Variants in VWC2 observed in about 807,000 individuals in gnomAD.
VWC2 encodes the protein brorin.
A neutral mutation model predicts 29.8 loss-of-function variants in VWC2; 14 were observed. That is an observed-to-expected ratio of 0.47 (90% CI 0.31 to 0.74). The LOEUF is 0.74. VWC2 is among the 30% of genes least tolerant of loss of function. VWC2 has a pLI of 0.05. For synonymous variants in VWC2, 213 were observed against 199.0 expected, an observed-to-expected ratio of 1.07 and a Z score of -0.59; for missense variants, 457 against 459.8, an observed-to-expected ratio of 0.99 and a Z score of 0.05.
At chr7:49,860,336 A>T (rs944915444) in intron 3 of VWC2, among the ~76,000 whole-genome samples, 5 of 152,200 alleles carry the variant, frequency 3.3e-5, no homozygotes, top group Non-Finnish European at 5.9e-5. Flanking sequence ...ATTTCACATG[A>T]GTAGACTCAT....
rs1356929332 is a variant in VWC2, at chr7:49,920,248, T to A, written c.*8063T>A. ...CTCAAACATTTTAATACACGATGAA[T>A]CCTTTTCTTAAGGAAAAAATGAAAA... On this transcript the variant is annotated 3_prime_UTR_variant, in exon 4 of 4. Coordinates refer to ENST00000340652, the MANE Select transcript of VWC2 (RefSeq NM_198570.5). 1 of 151,552 alleles carries A rather than the reference T, an allele frequency of 6.6e-6. No homozygotes were observed. Among genetic ancestry groups the A allele is most frequent in the Non-Finnish European group, 1.5e-5 (1 of 67,670 alleles). The allele number at this position is 151,552 out of a possible 1,614,324, so 9.4% of individuals were successfully genotyped here. A position where few individuals can be genotyped will look rare whatever the true frequency, so the allele number is the denominator to read the frequency against.
chr7:49,920,702 TTG>T lies in VWC2; in HGVS notation c.*8521_*8522del, dbSNP rs1241707626. 5 of 141,304 alleles carry T rather than the reference TTG, an allele frequency of 3.5e-5. No individual in the cohort carries two copies. Among genetic ancestry groups the T allele is most frequent in the African/African-American group, 1.1e-4 (4 of 37,272 alleles). The allele number at this position is 141,304 out of a possible 1,614,324, so 8.8% of individuals were successfully genotyped here. ...ATGAATAAAACACATATGTATTTAA[TTG>T]TGTTATTTACTATTTATAATTTGAA... On this transcript the variant is annotated 3_prime_UTR_variant, in exon 4 of 4. Transcript: ENST00000340652.
chr7:49,857,056 T>A (rs1161519352), intron 3 of VWC2, among the ~76,000 whole-genome samples: 3 of 140,238 alleles, frequency 2.1e-5, no homozygotes, highest in Non-Finnish European at 3.1e-5. Flanking sequence ...TAACATGATA[T>A]CTACCTTCTT....
intron 3 of VWC2, among the ~76,000 whole-genome samples, chr7:49,905,023 C>T (rs1257197923): frequency 8.5e-5 from 13 of 152,072 alleles, no homozygotes; most frequent in Admixed American, 6.5e-4. Context: ...TGTGAGCCAT[C>T]GTGCCAGGCC....
chr7:49,881,465 A>ACC (rs1791661241), intron 3 of VWC2, among the ~76,000 whole-genome samples: 2 of 152,158 alleles, frequency 1.3e-5, no homozygotes, highest in South Asian at 4.1e-4. Flanking sequence ...GCCTAACCCT[A>ACC]CCTCACCTCT....
intron 2 of VWC2, among the ~76,000 whole-genome samples, chr7:49,789,667 G>C (rs1404860167): frequency 6.6e-6 from 1 of 152,100 alleles, no homozygotes; most frequent in Non-Finnish European, 1.5e-5. Flanking sequence ...TAAAACAAAA[G>C]GGTTTTGATC....
intron 2 of VWC2, among the ~76,000 whole-genome samples, chr7:49,794,747 C>T (rs964178266): frequency 6.6e-6 from 1 of 152,168 alleles, no homozygotes; most frequent in African/African-American, 2.4e-5. Context: ...TGCACTTCTT[C>T]GTTGTAGTTC....
intron 1 of VWC2, among the ~76,000 whole-genome samples, chr7:49,774,374 TG>T (rs959347726): frequency 3.3e-4 from 50 of 151,336 alleles, no homozygotes; most frequent in African/African-American, 1.1e-3. Context: ...GTGCGCAGAG[TG>T]GGGGCGTTCG....
chr7:49,900,651 A>T (rs1392042662), intron 3 of VWC2, among the ~76,000 whole-genome samples: 3 of 151,850 alleles, frequency 2.0e-5, no homozygotes, highest in Non-Finnish European at 4.4e-5. Context: ...TAAAAGAGAT[A>T]TAATCAATAA....
In VWC2 at chr7:49,912,274, A is replaced by G; in HGVS notation, c.*89A>G. 1.4e-6 allele frequency: 2 copies of G among 1,379,342 alleles called. No individual in the cohort carries two copies. Among genetic ancestry groups the G allele is most frequent in the Non-Finnish European group, 1.9e-6 (2 of 1,026,264 alleles). The allele number at this position is 1,379,342 out of a possible 1,614,324, so 85.4% of individuals were successfully genotyped here. ...TGACTCTGGGAACTATCAGTCAAAG[A>G]AGACTTTTGATGAGGAATAATGGAA... On this transcript the variant is annotated 3_prime_UTR_variant, in exon 4 of 4. Coordinates refer to ENST00000340652, the MANE Select transcript of VWC2 (RefSeq NM_198570.5).
chr7:49,829,893 C>G (rs1351200338), intron 3 of VWC2, among the ~76,000 whole-genome samples: 1 of 152,234 alleles, frequency 6.6e-6, no homozygotes, highest in Non-Finnish European at 1.5e-5. Flanking sequence ...TCTTTATCTG[C>G]TACCTGGAAG....
At chr7:49,833,760 T>G (rs1467975042) in intron 3 of VWC2, among the ~76,000 whole-genome samples, 1 of 152,164 alleles carries the variant, frequency 6.6e-6, no homozygotes, top group Non-Finnish European at 1.5e-5. Context: ...GGAGGGTCAG[T>G]GGTCTCAGAT....
intron 3 of VWC2, among the ~76,000 whole-genome samples, chr7:49,882,986 A>T (rs1791735871): frequency 6.6e-6 from 1 of 151,856 alleles, no homozygotes; most frequent in African/African-American, 2.4e-5. Context: ...TCTCCATTTC[A>T]TCTCTGCCCT....
At chr7:49,853,425 G>A (rs1346508084) in intron 3 of VWC2, among the ~76,000 whole-genome samples, 2 of 152,208 alleles carry the variant, frequency 1.3e-5, no homozygotes, top group Non-Finnish European at 2.9e-5. Context: ...TCTGTGCCAG[G>A]AGCTCTGCTG....
chr7:49,871,880 GT>G (rs1325830334), intron 3 of VWC2, among the ~76,000 whole-genome samples: 9 of 120,536 alleles, frequency 7.5e-5, no homozygotes, highest in Non-Finnish European at 1.0e-4. Flanking sequence ...CATATATAAT[GT>G]TTTTTGTATG....
intron 3 of VWC2, among the ~76,000 whole-genome samples, chr7:49,831,128 G>C (rs1302812236): frequency 6.6e-6 from 1 of 152,120 alleles, no homozygotes; most frequent in Non-Finnish European, 1.5e-5. Context: ...CTGAAGAAGT[G>C]ACAAAACACC....
At chr7:49,862,306 T>TG (rs1271277544) in intron 3 of VWC2, among the ~76,000 whole-genome samples, 31 of 152,294 alleles carry the variant, frequency 2.0e-4, no homozygotes, top group African/African-American at 6.5e-4. Flanking sequence ...CAGCCTTTTT[T>TG]TGTGTGTCAA....
intron 2 of VWC2, among the ~76,000 whole-genome samples, chr7:49,790,977 T>C (rs1210647925): frequency 1.3e-5 from 2 of 152,066 alleles, no homozygotes; most frequent in Non-Finnish European, 2.9e-5. Flanking sequence ...TGAGTACTTA[T>C]TAATGAACAT....
At chr7:49,800,770 G>A (rs1046871932) in intron 2 of VWC2, among the ~76,000 whole-genome samples, 3 of 147,644 alleles carry the variant, frequency 2.0e-5, no homozygotes, top group Non-Finnish European at 3.0e-5. Context: ...CAGACTGAAT[G>A]AGGGAATTGG....
Sources: gnomAD v4.1 joint callset for allele counts (sites outside exome capture counted in the v4.1 genomes callset) on GRCh38, gnomAD v4.1.1 for gene constraint, MANE v1.5 for transcripts, NCBI Gene and HGNC (gene_info 2026-07-23, HGNC 2026-07-21) for gene names.